GDPD1: variants seen among roughly 807,000 people sequenced by gnomAD.
The protein encoded by GDPD1 is lysophospholipase D GDPD1.
Under a neutral mutation model 45.1 loss-of-function variants are expected in GDPD1, and 28 were observed. The ratio of observed to expected loss-of-function variants is 0.62; its 90% CI spans 0.46 to 0.85. GDPD1 has a LOEUF of 0.85. Among genes scored for constraint, GDPD1 ranks in the 40% least tolerant of loss-of-function variants. The probability of loss-of-function intolerance (pLI) is 0.00; values close to 1 mark genes in which losing one functional copy is unlikely to be tolerated. For synonymous variants in GDPD1, 139 were observed against 131.4 expected, an observed-to-expected ratio of 1.06 and a Z score of -0.40; for missense variants, 256 against 364.8, an observed-to-expected ratio of 0.70 and a Z score of 2.43.
At position 59,247,757 on chromosome 17, in the gene GDPD1, A is replaced by G. The variant is rs191538030; in HGVS notation, c.322-983A>G. ...AAATTCTCCTGCCTCAGCCCCCCCA[A>G]ATAGCTGGGATTACAGGCATGCGCC... On this transcript the variant is annotated intron_variant, in intron 3 of 9. Transcript: ENST00000284116. Among the ~76,000 whole-genome samples, 20 of 151,986 alleles carry G rather than the reference A, an allele frequency of 1.3e-4. 1 individual carries two copies. Among genetic ancestry groups the G allele is most frequent in the African/African-American group, 4.3e-4 (18 of 41,456 alleles).
Position 59,249,061 on chromosome 17 carries a change from A to G in GDPD1, c.367+276A>G, listed in dbSNP as rs2047233706. 2.0e-5 allele frequency: 5 copies of G among 246,838 alleles called. No homozygotes were observed. In the Admixed American group the frequency reaches 2.2e-4, roughly 11 times the overall value. 15.3% of individuals were successfully genotyped at this position (246,838 alleles called of 1,614,324 possible). ...CTTCAAATTCTAGAATATTGCCGCA[A>G]CTTATATTAGTCATCCATCAAAAAA... is the stretch of plus-strand genomic sequence containing the variant. On this transcript the variant is annotated intron_variant, in intron 4 of 9. Transcript: ENST00000284116.
intron 1 of GDPD1, among the ~76,000 whole-genome samples, chr17:59,221,476 T>C (rs536172011): frequency 1.0e-4 from 12 of 118,534 alleles, no homozygotes; most frequent in African/African-American, 2.8e-4. Flanking sequence ...AATAAATAAA[T>C]AAACACGCAA....
At chr17:59,270,699 CATTT>C (rs528102639) in intron 7 of GDPD1, among the ~76,000 whole-genome samples, 20 of 151,906 alleles carry the variant, frequency 1.3e-4, no homozygotes, top group South Asian at 4.2e-4. Context: ...TTTATGTATG[CATTT>C]ATTTATTTAT....
chr17:59,263,483 C>CTTTTTTTTTTTTTTT (rs537639356), intron 6 of GDPD1, among the ~76,000 whole-genome samples: 7 of 120,316 alleles, frequency 5.8e-5, no homozygotes, highest in African/African-American at 6.3e-5. Context: ...TTTTCCTTTC[C>CTTTTTTTTTTTTTTT]TTTTTTTTTT....
intron 1 of GDPD1, 82 bp downstream of exon 1, chr17:59,220,833 C>T: frequency 2.0e-6 from 3 of 1,479,194 alleles, no homozygotes; most frequent in Non-Finnish European, 2.8e-6. Context: ...CAGCCGGGTG[C>T]CAATCCCTGA....
intron 2 of GDPD1, among the ~76,000 whole-genome samples, chr17:59,236,955 T>C (rs1301816833): frequency 1.3e-5 from 2 of 152,218 alleles, no homozygotes; most frequent in Non-Finnish European, 2.9e-5. Context: ...TACACATTAG[T>C]GCCCTTGCTA....
chr17:59,227,907 C>T (rs1007633443), intron 1 of GDPD1, among the ~76,000 whole-genome samples: 6 of 152,130 alleles, frequency 3.9e-5, no homozygotes, highest in African/African-American at 1.2e-4. Flanking sequence ...CAGTGGCTTA[C>T]GCCTGTAATC....
chr17:59,266,063 T>G, intron 6 of GDPD1, among the ~76,000 whole-genome samples: 3 of 143,266 alleles, frequency 2.1e-5, no homozygotes, highest in African/African-American at 7.7e-5. Flanking sequence ...GGGGTGGGGG[T>G]GGTGAGAAAA....
chr17:59,270,806 C>A, intron 7 of GDPD1, 130 bp from the exon 8 acceptor site: 1 of 565,094 alleles, frequency 1.8e-6, no homozygotes, highest in Non-Finnish European at 3.1e-6. Context: ...TATTTTTGTC[C>A]TTTTTACAAA....
chr17:59,273,653 G>A lies in GDPD1; in HGVS notation c.825G>A (p.Val275=), dbSNP rs748456478. The A allele has an allele frequency of 1.4e-6, 2 of 1,474,286 alleles. No homozygotes were observed. The highest frequency in any genetic ancestry group is 1.9e-5 in the Admixed American group (1 of 52,988). The allele number at this position is 1,474,286 out of a possible 1,614,324, so 91.3% of individuals were successfully genotyped here. The change falls in exon 10 of 10, where the codon GTG becomes GTA. Residue 275 remains valine (V), a splice_region_variant and synonymous_variant. Transcript: ENST00000284116. ...CTTCTCACACTTCTAATTTTCAGGT[G>A]TATATTTGGGTATTAAATGAAGAAC... ...FDHLTARGIQ[V]YIWVLNEEQE...
At chr17:59,241,581 G>C (rs2047175913) in intron 2 of GDPD1, among the ~76,000 whole-genome samples, 1 of 151,840 alleles carries the variant, frequency 6.6e-6, no homozygotes, top group Non-Finnish European at 1.5e-5. Flanking sequence ...GCCTCCCAAA[G>C]TGCTGGGATT....
At chr17:59,248,396 CATTA>C (rs554789142) in intron 3 of GDPD1, among the ~76,000 whole-genome samples, 224 of 151,924 alleles carry the variant, frequency 1.5e-3, no homozygotes, top group Non-Finnish European at 2.5e-3. Context: ...ATTAACATTT[CATTA>C]ATTATTAATT....
Position 59,234,476 on chromosome 17 carries a change from GT to G in GDPD1, c.143-13del, listed in dbSNP as rs1226208485. On this transcript the variant is annotated splice_polypyrimidine_tract_variant and intron_variant, in intron 1 of 9. Transcript: ENST00000284116. ...AAAATGTTCAAAATAAGTAAATATA[GT>G]TTAAATTTTCACAGGTGCTGGAGAA... 6.6e-7 allele frequency: 1 copy of G among 1,522,076 alleles called. No homozygotes were observed. The highest frequency in any genetic ancestry group is 9.1e-7 in the Non-Finnish European group (1 of 1,100,918). The allele number at this position is 1,522,076 out of a possible 1,614,324, so 94.3% of individuals were successfully genotyped here. A position where few individuals can be genotyped will look rare whatever the true frequency, so the allele number is the denominator to read the frequency against.
At chr17:59,241,855 G>C (rs1313532406) in intron 2 of GDPD1, among the ~76,000 whole-genome samples, 1 of 151,956 alleles carries the variant, frequency 6.6e-6, no homozygotes, top group East Asian at 2.0e-4. Context: ...TTGAACCTGG[G>C]AGGCAGAGGT....
Position 59,273,908 on chromosome 17 carries a change from A to C in GDPD1, c.*135A>C, listed in dbSNP as rs1188118276. 3 of 1,076,822 alleles carry C rather than the reference A, an allele frequency of 2.8e-6. No individual in the cohort carries two copies. In the African/African-American group the frequency reaches 4.9e-5, roughly 18 times the overall value. 66.7% of individuals were successfully genotyped at this position (1,076,822 alleles called of 1,614,324 possible). ...TTTATTACCTCATTTTTAAGCCTGT[A>C]TGAGAATGTAGAAACTATATATTAT... is the stretch of plus-strand genomic sequence containing the variant. On this transcript the variant is annotated 3_prime_UTR_variant, in exon 10 of 10. Coordinates refer to ENST00000284116, the MANE Select transcript of GDPD1 (RefSeq NM_182569.4).
chr17:59,271,633 AT>A (rs375895419), intron 8 of GDPD1, among the ~76,000 whole-genome samples: 29 of 123,438 alleles, frequency 2.3e-4, no homozygotes, highest in Non-Finnish European at 4.5e-4. Context: ...ATTTTATTTT[AT>A]TTTATTTATT....
At chr17:59,252,709 C>T (rs981698044) in intron 4 of GDPD1, among the ~76,000 whole-genome samples, 9 of 134,238 alleles carry the variant, frequency 6.7e-5, no homozygotes, top group African/African-American at 1.4e-4. Flanking sequence ...AAAAAAAATA[C>T]GCTGAATTGG....
chr17:59,249,680 T>G (rs1189557461), intron 4 of GDPD1, among the ~76,000 whole-genome samples: 4 of 152,312 alleles, frequency 2.6e-5, no homozygotes, highest in Middle Eastern at 3.4e-3. Flanking sequence ...TATACCACCT[T>G]AAGGTATGTG....
At chr17:59,251,260 T>C (rs1344655295) in intron 4 of GDPD1, among the ~76,000 whole-genome samples, 2 of 152,158 alleles carry the variant, frequency 1.3e-5, no homozygotes, top group Non-Finnish European at 2.9e-5. Flanking sequence ...GGCTCACGCC[T>C]GTAATCCCAA....
Sources: gnomAD v4.1 joint callset for allele counts (sites outside exome capture counted in the v4.1 genomes callset) on GRCh38, gnomAD v4.1.1 for gene constraint, MANE v1.5 for transcripts, NCBI Gene and HGNC (gene_info 2026-07-23, HGNC 2026-07-21) for gene names.